The following PDXDC1 variants were observed in gnomAD, a reference collection of about 807,000 sequenced individuals.
The protein encoded by PDXDC1 is pyridoxal dependent decarboxylase domain containing 1, also known as pyridoxal-dependent decarboxylase domain-containing protein 1.
Under a neutral mutation model 100.1 loss-of-function variants are expected in PDXDC1, and 42 were observed. The ratio of observed to expected loss-of-function variants is 0.42; its 90% CI spans 0.33 to 0.54. The LOEUF is 0.54. Among genes scored for constraint, PDXDC1 ranks in the 20% least tolerant of loss-of-function variants. PDXDC1 has a pLI of 0.10. For synonymous variants in PDXDC1, 260 were observed against 371.7 expected, an observed-to-expected ratio of 0.70 and a Z score of 3.46; for missense variants, 636 against 979.2, an observed-to-expected ratio of 0.65 and a Z score of 4.68.
intron 12 of PDXDC1, among the ~76,000 whole-genome samples, chr16:15,019,850 C>A (rs1319734063): frequency 6.6e-6 from 1 of 152,270 alleles, no homozygotes; most frequent in Non-Finnish European, 1.5e-5. Flanking sequence ...TGGTGGCTCA[C>A]GCCTGTAATT....
At chr16:15,013,917 CT>C (rs1398629533) in intron 8 of PDXDC1, among the ~76,000 whole-genome samples, 1 of 150,732 alleles carries the variant, frequency 6.6e-6, no homozygotes, top group Non-Finnish European at 1.5e-5. Flanking sequence ...AATAAAACTG[CT>C]TATTTAGGCC....
At chr16:15,077,408 A>C (rs2966186) in intron 16 of PDXDC1, among the ~76,000 whole-genome samples, 99,464 of 151,684 alleles carry the variant, frequency 0.66, 34,332 homozygotes, top group Non-Finnish European at 0.76. Flanking sequence ...ATAAGTCTCA[A>C]GAGATCTGAT....
intron 16 of PDXDC1, among the ~76,000 whole-genome samples, chr16:15,043,820 C>G (rs541156257): frequency 6.6e-6 from 1 of 151,896 alleles, no homozygotes; most frequent in South Asian, 2.1e-4. Flanking sequence ...TGGTGGCGCA[C>G]GCCTGTGATC....
chr16:15,104,737 G>A (rs2046727043), intron 16 of PDXDC1: 7 of 1,597,048 alleles, frequency 4.4e-6, no homozygotes, highest in Non-Finnish European at 5.9e-6. Flanking sequence ...GAATGACGAT[G>A]CTCCGCTGCC....
chr16:14,999,634 G>C (rs1016736162), intron 3 of PDXDC1, among the ~76,000 whole-genome samples: 7 of 152,220 alleles, frequency 4.6e-5, no homozygotes, highest in Non-Finnish European at 7.3e-5. Flanking sequence ...GGTAGACTGA[G>C]TTTTATTCTA....
At chr16:15,069,841 C>A (rs1377190130) in intron 16 of PDXDC1, among the ~76,000 whole-genome samples, 1 of 152,214 alleles carries the variant, frequency 6.6e-6, no homozygotes, top group African/African-American at 2.4e-5. Flanking sequence ...AAACCTCTTT[C>A]TTAACCTCAA....
downstream of PDXDC1, among the ~76,000 whole-genome samples, chr16:15,038,971 C>CAA (rs892668217): frequency 5.9e-5 from 9 of 152,186 alleles, no homozygotes; most frequent in Admixed American, 4.6e-4. Context: ...AAACAAGGCC[C>CAA]ATTTCCCAGG....
downstream of PDXDC1, among the ~76,000 whole-genome samples, chr16:15,140,401 G>A (rs1171371201): frequency 3.3e-3 from 433 of 132,526 alleles, 1 homozygote; most frequent in African/African-American, 0.011. Flanking sequence ...CTGAGATCGC[G>A]CCCCTGCACT....
intron 12 of PDXDC1, among the ~76,000 whole-genome samples, chr16:15,020,729 A>G (rs1410577431): frequency 6.6e-6 from 1 of 152,258 alleles, no homozygotes; most frequent in Non-Finnish European, 1.5e-5. Flanking sequence ...CATGCCTGTA[A>G]TCCCAGCACT....
At chr16:15,094,368 C>G in intron 16 of PDXDC1, 1 of 800,746 alleles carries the variant, frequency 1.2e-6, no homozygotes, top group Non-Finnish European at 2.0e-6. Flanking sequence ...AGGGCGTATG[C>G]TCTCGGCGGG....
intron 16 of PDXDC1, chr16:15,134,154 G>T (rs911694735): frequency 2.4e-6 from 3 of 1,229,802 alleles, no homozygotes. Flanking sequence ...CCGTCCCCTC[G>T]GCCATGGGAC....
rs1014868635 is a variant in PDXDC1, at chr16:15,066,181, G to A, written c.1399+36125G>A. Among the ~76,000 whole-genome samples the A allele has an allele frequency of 2.1e-4, 32 of 152,122 alleles. 1 individual carries two copies. The highest frequency in any genetic ancestry group is 1.0e-3 in the Admixed American group (16 of 15,252). On this transcript the variant is annotated intron_variant, in intron 16 of 16. Transcript: ENST00000535621. The stretch of plus-strand genomic sequence containing the variant: ...TCACAGCACTTGACCCCTCCTCCTG[G>A]TGGAGGACACATCAGCAAAACCACA...
intron 16 of PDXDC1, among the ~76,000 whole-genome samples, chr16:15,052,442 T>C (rs2044331024): frequency 6.6e-6 from 1 of 152,202 alleles, no homozygotes. Flanking sequence ...GGGATGATCA[T>C]GTGACCCTCA....
intron 16 of PDXDC1, among the ~76,000 whole-genome samples, chr16:15,056,628 G>A (rs2044535836): frequency 1.3e-5 from 2 of 151,986 alleles, no homozygotes; most frequent in Non-Finnish European, 2.9e-5. Context: ...CCTCGTCTCT[G>A]CCAAAAATTT....
chr16:15,068,682 A>G (rs1478004577), intron 16 of PDXDC1, among the ~76,000 whole-genome samples: 13 of 152,266 alleles, frequency 8.5e-5, no homozygotes, highest in Non-Finnish European at 1.8e-4. Context: ...ATGTCTTGTT[A>G]GTGAAGCTGA....
At chr16:15,050,126 T>C (rs992188743) in intron 16 of PDXDC1, among the ~76,000 whole-genome samples, 1 of 152,230 alleles carries the variant, frequency 6.6e-6, no homozygotes, top group Non-Finnish European at 1.5e-5. Context: ...GGTATGTTAA[T>C]ACTAAGTGTC....
chr16:15,064,460 C>T lies in PDXDC1; in HGVS notation c.1399+34404C>T, dbSNP rs1454525088. Among the ~76,000 whole-genome samples the T allele has an allele frequency of 2.0e-5, 3 of 152,292 alleles. No homozygotes were observed. In the East Asian group the frequency reaches 5.8e-4, roughly 29 times the overall value. On this transcript the variant is annotated intron_variant, in intron 16 of 16. Transcript: ENST00000535621. Reference sequence around the variant, plus strand: ...AAAGTGCTGGGATTACAGGCATGAGCCATTACGCCCAGCCAATCGTTTGTT... The same window carrying T: ...AAAGTGCTGGGATTACAGGCATGAGTCATTACGCCCAGCCAATCGTTTGTT...
At position 15,031,821 on chromosome 16, in the gene PDXDC1, C is replaced by G. The variant is rs150324936; in HGVS notation, c.1486C>G (p.Arg496Gly). The G allele has an allele frequency of 1.2e-6, 2 of 1,613,614 alleles. No homozygotes were observed. The highest frequency in any genetic ancestry group is 2.7e-5 in the African/African-American group (2 of 74,850). ...AGTGCTGTGCTGTACGCTCCAGTTG[C>G]GTGAAGAGTTCAAGCAGGAAGTGGA... The part of the protein sequence containing the change: ...LPVLCCTLQL[R>G]EEFKQEVEAT... Residue 496 changes from arginine to glycine, a missense_variant, in exon 17 of 23, where the codon CGT becomes GGT. Physicochemically the swap from Arg to Gly is moderately radical, Grantham distance 125. Transcript: ENST00000396410.
At chr16:15,068,401 C>CTTT in intron 16 of PDXDC1, 1 of 1,306,120 alleles carries the variant, frequency 7.7e-7, no homozygotes, top group Middle Eastern at 2.4e-4. Context: ...TGCAGAAATG[C>CTTT]TTTAAATAAA....
Sources: gnomAD v4.1 joint callset for allele counts (sites outside exome capture counted in the v4.1 genomes callset) on GRCh38, gnomAD v4.1.1 for gene constraint, MANE v1.5 for transcripts, NCBI Gene and HGNC (gene_info 2026-07-23, HGNC 2026-07-21) for gene names.